ADAM22: variants seen among roughly 807,000 people sequenced by gnomAD.
The protein encoded by ADAM22 is ADAM metallopeptidase domain 22, also known as disintegrin and metalloproteinase domain-containing protein 22.
Under a neutral mutation model 144.6 loss-of-function variants are expected in ADAM22, and 65 were observed. The observed-to-expected ratio is 0.45, with a 90% CI of 0.37 to 0.55. The LOEUF (loss-of-function observed/expected upper bound fraction) is 0.55, where lower values mean the gene tolerates loss of function less well. Ranked by LOEUF, ADAM22 falls within the 20% of genes least tolerant of loss-of-function variation. The probability of loss-of-function intolerance (pLI) is 0.00; values close to 1 mark genes in which losing one functional copy is unlikely to be tolerated. For missense variants in ADAM22, 974 were observed against 1,184.9 expected (o/e 0.82, Z 2.61); for synonymous variants, 391 against 412.6 (o/e 0.95, Z 0.63).
At chr7:88,083,102 C>T (rs74894060) in intron 4 of ADAM22, among the ~76,000 whole-genome samples, 1,580 of 152,082 alleles carry the variant, frequency 0.01, 16 homozygotes, top group Middle Eastern at 0.02. Context: ...TGTCCAACAA[C>T]GATAGACTGG....
intron 2 of ADAM22, among the ~76,000 whole-genome samples, chr7:87,957,990 C>G (rs1204292212): frequency 1.3e-5 from 2 of 152,150 alleles, no homozygotes; most frequent in Non-Finnish European, 2.9e-5. Context: ...TACCCCTCCT[C>G]AAAATTAAAT....
chr7:87,995,449 T>C (rs972275193), intron 3 of ADAM22, among the ~76,000 whole-genome samples: 1 of 152,224 alleles, frequency 6.6e-6, no homozygotes, highest in African/African-American at 2.4e-5. Flanking sequence ...GTTTCAATCC[T>C]GGCTACACAT....
rs567508977 is a variant in ADAM22 at position 87,951,012 on chromosome 7, T to C, written c.246+15826T>C. Reference sequence around the variant, plus strand: ...TTTGTTTTTTTCTTGTAAATTTGTTTGATTTCATTGTCGAGTCTAGATATT... The same window carrying C: ...TTTGTTTTTTTCTTGTAAATTTGTTCGATTTCATTGTCGAGTCTAGATATT... On this transcript the variant is annotated intron_variant, in intron 2 of 31. Coordinates refer to ENST00000413139, the MANE Select transcript of ADAM22 (RefSeq NM_001324418.2). Among the ~76,000 whole-genome samples, 3 of 152,366 alleles carry C rather than the reference T, an allele frequency of 2.0e-5. No individual in the cohort carries two copies. The South Asian group carries it at 6.2e-4, about 32-fold the overall frequency.
At chr7:88,135,401 A>G (rs1050739589) in intron 13 of ADAM22, among the ~76,000 whole-genome samples, 4 of 152,114 alleles carry the variant, frequency 2.6e-5, no homozygotes, top group African/African-American at 9.6e-5. Context: ...GTAATTCTAC[A>G]GGACACCCAT....
chr7:88,085,902 C>T (rs1159513600), intron 4 of ADAM22, among the ~76,000 whole-genome samples: 1 of 152,308 alleles, frequency 6.6e-6, no homozygotes, highest in African/African-American at 2.4e-5. Context: ...TTTGCCTGGG[C>T]ACAGTGGCTC....
At chr7:87,977,925 T>A (rs1852281713) in intron 2 of ADAM22, among the ~76,000 whole-genome samples, 1 of 152,214 alleles carries the variant, frequency 6.6e-6, no homozygotes, top group Non-Finnish European at 1.5e-5. Context: ...GGTTTAGATA[T>A]CTTCTTTCTA....
chr7:88,097,956 T>C (rs1821878406), intron 4 of ADAM22, among the ~76,000 whole-genome samples: 1 of 152,190 alleles, frequency 6.6e-6, no homozygotes, highest in African/African-American at 2.4e-5. Context: ...ACATTGATTT[T>C]CCATTCTCCC....
chr7:88,099,844 T>G (rs1024308473), intron 4 of ADAM22, among the ~76,000 whole-genome samples: 4 of 152,178 alleles, frequency 2.6e-5, no homozygotes. Flanking sequence ...AACATAGGGT[T>G]GCCATTTCTT....
chr7:88,021,998 G>A (rs1585069003), intron 3 of ADAM22, among the ~76,000 whole-genome samples: 1 of 151,696 alleles, frequency 6.6e-6, no homozygotes, highest in South Asian at 2.1e-4. Flanking sequence ...TCCGCCTCCC[G>A]AATGTTGAGG....
chr7:87,998,466 C>T (rs1309098999), intron 3 of ADAM22, among the ~76,000 whole-genome samples: 1 of 152,172 alleles, frequency 6.6e-6, no homozygotes, highest in Non-Finnish European at 1.5e-5. Flanking sequence ...TCTCAGCTCA[C>T]TGCAACCTCC....
rs1798228735 is a variant in ADAM22 at position 88,023,292 on chromosome 7, T to G, written c.323+44880T>G. ...TTAATTTCTGGGTACATAGTAGGTG[T>G]ATATATTCAAGGATTATATGAAATA... is the stretch of plus-strand genomic sequence containing the variant. On this transcript the variant is annotated intron_variant, in intron 3 of 31. Transcript: ENST00000413139. Among the ~76,000 whole-genome samples the G allele has an allele frequency of 2.0e-5, 3 of 152,334 alleles. No individual in the cohort carries two copies. The South Asian group carries it at 6.2e-4, about 32-fold the overall frequency.
At chr7:87,988,284 A>G (rs1788941026) in intron 3 of ADAM22, among the ~76,000 whole-genome samples, 1 of 152,192 alleles carries the variant, frequency 6.6e-6, no homozygotes, top group Non-Finnish European at 1.5e-5. Flanking sequence ...TTATTGCAGA[A>G]TGGCATCTTG....
intron 2 of ADAM22, among the ~76,000 whole-genome samples, chr7:87,944,831 G>GTT (rs1383358458): frequency 9.6e-5 from 11 of 114,100 alleles, no homozygotes; most frequent in East Asian, 2.5e-4. Flanking sequence ...TTTTTTTTTT[G>GTT]TTTTTTTTTT....
intron 14 of ADAM22, among the ~76,000 whole-genome samples, chr7:88,138,216 G>A (rs1462623477): frequency 6.6e-6 from 1 of 152,120 alleles, no homozygotes; most frequent in Non-Finnish European, 1.5e-5. Context: ...AGTAATGACA[G>A]GAAATGATAA....
intron 2 of ADAM22, among the ~76,000 whole-genome samples, chr7:87,951,500 A>ACG (rs1205026015): frequency 1.1e-5 from 1 of 89,122 alleles, no homozygotes; most frequent in Non-Finnish European, 2.1e-5. Context: ...ATTGATCTAT[A>ACG]TCTGTGTTTT....
At chr7:88,023,372 G>A (rs1456534166) in intron 3 of ADAM22, among the ~76,000 whole-genome samples, 1 of 152,172 alleles carries the variant, frequency 6.6e-6, no homozygotes, top group African/African-American at 2.4e-5. Context: ...TGGGATATCT[G>A]TCACCTCAAG....
At chr7:88,070,182 C>A (rs1812353366) in intron 3 of ADAM22, among the ~76,000 whole-genome samples, 1 of 152,096 alleles carries the variant, frequency 6.6e-6, no homozygotes. Flanking sequence ...TTAGACAAAT[C>A]CACATCCACA....
chr7:88,054,942 A>G (rs1325127482), intron 3 of ADAM22, among the ~76,000 whole-genome samples: 1 of 151,926 alleles, frequency 6.6e-6, no homozygotes, highest in Non-Finnish European at 1.5e-5. Flanking sequence ...GTTGTTTTAA[A>G]CTTCTTTAAG....
intron 3 of ADAM22, among the ~76,000 whole-genome samples, chr7:88,067,895 AATT>A (rs752473836): frequency 1.6e-4 from 24 of 152,306 alleles, no homozygotes; most frequent in Middle Eastern, 3.4e-3. Context: ...GCAAGAGAGA[AATT>A]ATATTTACAA....
Sources: allele counts gnomAD v4.1 joint callset (sites outside exome capture counted in the v4.1 genomes callset), GRCh38; gene constraint gnomAD v4.1.1; transcripts MANE v1.5; gene names NCBI Gene and HGNC (gene_info 2026-07-23, HGNC 2026-07-21).